ZNF324B: variants seen among roughly 807,000 people sequenced by gnomAD.
ZNF324B encodes the protein zinc finger protein 324B.
In ZNF324B, 7 loss-of-function variants were observed where a neutral mutation model predicts 10.6. The observed-to-expected ratio is 0.66, with a 90% CI of 0.38 to 1.24. The LOEUF is 1.24. Ranked by LOEUF, ZNF324B falls within the 50% of genes most tolerant of loss-of-function variation. The probability of loss-of-function intolerance (pLI) is 0.02; values close to 1 mark genes in which losing one functional copy is unlikely to be tolerated. For synonymous variants in ZNF324B, 316 were observed against 321.0 expected (o/e 0.98, Z 0.17); for missense variants, 640 against 764.7 (o/e 0.84, Z 1.92).
At chr19:58,438,855 C>T in the ZNF324B span, among the ~76,000 whole-genome samples, 2 of 151,964 alleles carry the variant, frequency 1.3e-5, no homozygotes, top group Non-Finnish European at 2.9e-5. Context: ...AATGCAACCT[C>T]CATCTCCCAG....
At chr19:58,453,354 G>C (rs1302274062) in intron 1 of ZNF324B, 1 of 366,926 alleles carries the variant, frequency 2.7e-6, no homozygotes, top group African/African-American at 2.1e-5. Context: ...ACAAAAGCAA[G>C]AAGGGCACAT....
At chr19:58,444,219 T>A in the ZNF324B span, 1 of 152,354 alleles carries the variant, frequency 6.6e-6, no homozygotes, top group Non-Finnish European at 1.5e-5. Flanking sequence ...TCCTGTTCCC[T>A]GGATGGCTTC....
Position 58,457,204 on chromosome 19 carries a change from GTGTGCTCACTGCCAGCTCCTGGGC to G in ZNF324B, c.*633_*656del, listed in dbSNP as rs1340015606. The G allele has an allele frequency of 6.5e-6, 1 of 154,612 alleles. No individual in the cohort carries two copies. Among genetic ancestry groups the G allele is most frequent in the East Asian group, 1.9e-4 (1 of 5,206 alleles). 9.6% of individuals were successfully genotyped at this position (154,612 alleles called of 1,614,324 possible). A position where few individuals can be genotyped will look rare whatever the true frequency, so the allele number is the denominator to read the frequency against. On this transcript the variant is annotated 3_prime_UTR_variant, in exon 4 of 4. Transcript: ENST00000336614. The stretch of plus-strand genomic sequence containing the variant: ...AGACGGGATCCTAATGAGAGTCAAT[GTGTGCTCACTGCCAGCTCCTGGGC>G]TGTGCTCTGGTCAGCCAGGTGTGAG...
At chr19:58,436,895 C>T in the ZNF324B span, 4 of 1,024,544 alleles carry the variant, frequency 3.9e-6, no homozygotes, top group African/African-American at 1.6e-5. Context: ...AGGGGAAGTA[C>T]ACACAGCAGA....
At chr19:58,420,633 T>G in the ZNF324B span, among the ~76,000 whole-genome samples, 19 of 152,130 alleles carry the variant, frequency 1.2e-4, no homozygotes, top group African/African-American at 4.6e-4. Flanking sequence ...ACTCTTGGGC[T>G]CAAGTGATCT....
rs1270010955 is a variant in ZNF324B, at chr19:58,457,630, C to T, written c.*1051C>T. 2 of 151,392 alleles carry T rather than the reference C, an allele frequency of 1.3e-5. No homozygotes were observed. Among genetic ancestry groups the T allele is most frequent in the Non-Finnish European group, 2.9e-5 (2 of 67,954 alleles). 9.4% of individuals were successfully genotyped at this position (151,392 alleles called of 1,614,324 possible). ...ATTACCTAAGGCCATGTGTGACAGC[C>T]TCCTGAGGACCTCCCCAACCCAGTG... On this transcript the variant is annotated 3_prime_UTR_variant, in exon 4 of 4. Coordinates refer to ENST00000336614, the MANE Select transcript of ZNF324B (RefSeq NM_207395.3).
chr19:58,453,979 C>T (rs2052887655), intron 2 of ZNF324B, among the ~76,000 whole-genome samples, 157 bp downstream of exon 2: 1 of 152,216 alleles, frequency 6.6e-6, no homozygotes, highest in African/African-American at 2.4e-5. Context: ...GTCAGCCACT[C>T]CTTGCCGCCC....
At chr19:58,445,482 T>C in the ZNF324B span, 2 of 518,964 alleles carry the variant, frequency 3.9e-6, no homozygotes, top group Non-Finnish European at 7.7e-6. Flanking sequence ...TTGATTATAG[T>C]AAATGTAGGA....
chr19:58,425,622 A>G, the ZNF324B span, among the ~76,000 whole-genome samples: 7 of 151,380 alleles, frequency 4.6e-5, no homozygotes, highest in Admixed American at 4.6e-4. Context: ...AGCCGCCACC[A>G]CCACGCCTGG....
At chr19:58,439,773 T>G in the ZNF324B span, 1 of 1,544,740 alleles carries the variant, frequency 6.5e-7, no homozygotes, top group Non-Finnish European at 8.7e-7. Flanking sequence ...GCCGGGCCCA[T>G]CAGCAACGCT....
chr19:58,442,978 GCTGATTGGTCCATTATACAGAGCA>G, the ZNF324B span: 85,538 of 151,368 alleles, frequency 0.57, 25,909 homozygotes, highest in African/African-American at 0.8. Context: ...CCCACATCCT[GCTGATTGGTCCATTATACAGAGCA>G]CTGATTGGTC....
the ZNF324B span, chr19:58,428,971 T>G: frequency 6.6e-6 from 1 of 152,158 alleles, no homozygotes; most frequent in Non-Finnish European, 1.5e-5. Flanking sequence ...GGACCAAACT[T>G]TTGCTGTGGA....
the ZNF324B span, among the ~76,000 whole-genome samples, chr19:58,435,883 G>T: frequency 6.6e-6 from 1 of 152,176 alleles, no homozygotes; most frequent in Non-Finnish European, 1.5e-5. Flanking sequence ...CGGATTATAG[G>T]CACCTTGCCC....
At chr19:58,450,800 G>A (rs1599976566), upstream of ZNF324B, among the ~76,000 whole-genome samples, 5 of 152,176 alleles carry the variant, frequency 3.3e-5, no homozygotes, top group Admixed American at 2.0e-4. Flanking sequence ...AGAGAGAATC[G>A]TTTATTCTCT....
the ZNF324B span, among the ~76,000 whole-genome samples, chr19:58,422,160 GC>G: frequency 2.6e-5 from 4 of 152,178 alleles, no homozygotes; most frequent in South Asian, 6.2e-4. Context: ...CAAGTAATCT[GC>G]CCCTCTTACC....
chr19:58,455,522 A>G lies in ZNF324B; in HGVS notation c.578A>G (p.Glu193Gly), dbSNP rs770101194. The G allele has an allele frequency of 2.5e-6, 4 of 1,613,932 alleles. No homozygotes were observed. In the Admixed American group the frequency reaches 6.7e-5, roughly 27 times the overall value. ...CCTGGGAGGCAGCCCAGGACGCCTG[A>G]GCGGCAGAAGCCATGTGCACAGGAG... ...RVPGRQPRTP[E>G]RQKPCAQEVP... The change falls in exon 4 of 4, where the codon GAG becomes GGG. Residue 193 changes from glutamate to glycine, a missense_variant. Transcript: ENST00000336614. The surrounding 1 kb of genome is among the most constrained non-coding windows in gnomAD (Gnocchi z 7.0).
At chr19:58,421,531 G>A in the ZNF324B span, among the ~76,000 whole-genome samples, 4 of 151,924 alleles carry the variant, frequency 2.6e-5, no homozygotes, top group African/African-American at 9.7e-5. Flanking sequence ...CAGGTTCGCC[G>A]CACCATGCCC....
At chr19:58,437,851 A>C in the ZNF324B span, 2 of 950,754 alleles carry the variant, frequency 2.1e-6, no homozygotes, top group Admixed American at 1.2e-4. Flanking sequence ...TCCTTCAACC[A>C]TCAGCTGCCC....
chr19:58,452,999 C>T (rs1328784423), intron 1 of ZNF324B, among the ~76,000 whole-genome samples: 2 of 151,972 alleles, frequency 1.3e-5, no homozygotes, highest in African/African-American at 2.4e-5. Flanking sequence ...GGCGTGAACC[C>T]GGGAGCCGGA....
Sources: allele counts gnomAD v4.1 joint callset (sites outside exome capture counted in the v4.1 genomes callset), GRCh38; gene constraint gnomAD v4.1.1; non-coding constraint Gnocchi (gnomAD v3.1); transcripts MANE v1.5; gene names NCBI Gene and HGNC (gene_info 2026-07-23, HGNC 2026-07-21).